Variants in TTC28 observed in about 807,000 individuals in gnomAD.
TTC28 encodes the protein tetratricopeptide repeat domain 28.
Under a neutral mutation model 198.0 loss-of-function variants are expected in TTC28, and 61 were observed. The observed-to-expected ratio is 0.31, with a 90% confidence interval of 0.25 to 0.38. The LOEUF is 0.38. Ranked by LOEUF, TTC28 falls within the 10% of genes least tolerant of loss-of-function variation. The probability of loss-of-function intolerance (pLI) is 1.00; values close to 1 mark genes in which losing one functional copy is unlikely to be tolerated. For missense variants in TTC28, 2,678 were observed against 3,164.0 expected (o/e 0.85, Z 3.69); for synonymous variants, 1,171 against 1,297.8 (o/e 0.90, Z 2.10).
intron 2 of TTC28, among the ~76,000 whole-genome samples, chr22:28,313,449 T>C (rs1429303376): frequency 2.0e-5 from 3 of 152,162 alleles, no homozygotes; most frequent in East Asian, 1.9e-4. Flanking sequence ...TGAACATCGA[T>C]GCGAAAATCC....
chr22:28,480,043 G>A (rs2048222671), intron 2 of TTC28, among the ~76,000 whole-genome samples: 1 of 152,178 alleles, frequency 6.6e-6, no homozygotes, highest in African/African-American at 2.4e-5. Flanking sequence ...CAAGCAGCAA[G>A]CTCCTATCAC....
intron 12 of TTC28, among the ~76,000 whole-genome samples, chr22:28,039,243 C>T (rs553135446): frequency 1.3e-5 from 2 of 152,152 alleles, no homozygotes; most frequent in East Asian, 3.8e-4. Context: ...CGGCACTACT[C>T]ACAATAGCAA....
At chr22:28,216,355 G>C (rs1247004644) in intron 5 of TTC28, among the ~76,000 whole-genome samples, 1 of 152,166 alleles carries the variant, frequency 6.6e-6, no homozygotes, top group Non-Finnish European at 1.5e-5. Context: ...AGTAAGAAAA[G>C]CCTTCAAAGA....
In TTC28 at chr22:28,107,801, G is replaced by C; in HGVS notation, c.2044C>G (p.Leu682Val). The C allele has an allele frequency of 6.4e-7, 1 of 1,551,996 alleles. No homozygotes were observed. The highest frequency in any genetic ancestry group is 8.7e-7 in the Non-Finnish European group (1 of 1,147,070). The stretch of plus-strand genomic sequence containing the variant: ...AAATTCAGCAGAGCCTTGAATGCTA[G>C]GCCCAAGTTGCAGTAGGCTTTTGCT... ...SQAKAYCNLG[L>V]AFKALLNFSK... is the part of the protein sequence containing the mutation. Residue 682 changes from leucine to valine, a missense_variant, in exon 7 of 23, where the codon CTA becomes GTA. Physicochemically the swap from Leu to Val is conservative, Grantham distance 32 (BLOSUM62 1). Around this residue, in one of 8 missense-constraint regions of TTC28, gnomAD observed 775 missense variants for 845.9 expected, o/e 0.92. Transcript: ENST00000397906.
chr22:28,257,985 G>A (rs182906520), intron 5 of TTC28, among the ~76,000 whole-genome samples: 12 of 151,664 alleles, frequency 7.9e-5, no homozygotes, highest in African/African-American at 2.9e-4. Flanking sequence ...TGGAGTAAAA[G>A]GCCCTCAAAA....
intron 2 of TTC28, among the ~76,000 whole-genome samples, chr22:28,586,691 T>C (rs1015360512): frequency 6.6e-6 from 1 of 152,190 alleles, no homozygotes; most frequent in African/African-American, 2.4e-5. Flanking sequence ...ACCTCATACC[T>C]GAAAAATTAT....
intron 13 of TTC28, among the ~76,000 whole-genome samples, chr22:28,017,653 G>T (rs1249928654): frequency 6.6e-6 from 1 of 152,218 alleles, no homozygotes; most frequent in Non-Finnish European, 1.5e-5. Context: ...GGCCAGATGG[G>T]CCTGGGCACT....
intron 12 of TTC28, among the ~76,000 whole-genome samples, chr22:28,066,974 C>T (rs1252384967): frequency 6.6e-6 from 1 of 152,164 alleles, no homozygotes; most frequent in Non-Finnish European, 1.5e-5. Context: ...TCAAGCAGCC[C>T]TTTCTCCAGG....
intron 12 of TTC28, among the ~76,000 whole-genome samples, chr22:28,037,181 T>G (rs1187039840): frequency 6.6e-6 from 1 of 152,122 alleles, no homozygotes; most frequent in Non-Finnish European, 1.5e-5. Context: ...GCCAGCATCA[T>G]CCTGATACCA....
chr22:28,526,314 T>C (rs1434319084), intron 2 of TTC28, among the ~76,000 whole-genome samples: 1 of 152,218 alleles, frequency 6.6e-6, no homozygotes, highest in Non-Finnish European at 1.5e-5. Context: ...TAAATTTTTT[T>C]CGATAATAAA....
chr22:28,477,157 A>T (rs1357251927), intron 2 of TTC28, among the ~76,000 whole-genome samples: 1 of 152,246 alleles, frequency 6.6e-6, no homozygotes, highest in Non-Finnish European at 1.5e-5. Flanking sequence ...GCACTTTATA[A>T]GGTGATGAAA....
At chr22:28,347,490 C>T (rs193290913) in intron 2 of TTC28, among the ~76,000 whole-genome samples, 103 of 152,138 alleles carry the variant, frequency 6.8e-4, no homozygotes, top group African/African-American at 2.3e-3. Flanking sequence ...GATATATAAG[C>T]GCATAAAGTA....
At chr22:28,266,905 G>A (rs1271321885) in intron 5 of TTC28, among the ~76,000 whole-genome samples, 1 of 152,134 alleles carries the variant, frequency 6.6e-6, no homozygotes, top group Admixed American at 6.5e-5. Context: ...GACTTCACCA[G>A]AATGACTACA....
chr22:28,024,407 G>A (rs1938738450), intron 13 of TTC28, among the ~76,000 whole-genome samples: 1 of 152,192 alleles, frequency 6.6e-6, no homozygotes, highest in South Asian at 2.1e-4. Context: ...TAGGACAGAG[G>A]GTGGGGGGAA....
chr22:28,575,355 G>A (rs116400426), intron 2 of TTC28, among the ~76,000 whole-genome samples: 2,422 of 152,146 alleles, frequency 0.016, 85 homozygotes, highest in African/African-American at 0.056. Context: ...TTGTTTCTAC[G>A]CTCCCTATTC....
chr22:28,053,129 C>T (rs151097301), intron 12 of TTC28, among the ~76,000 whole-genome samples: 16 of 152,214 alleles, frequency 1.1e-4, no homozygotes, highest in East Asian at 3.8e-4. Flanking sequence ...GCACGTTGGC[C>T]GTAAAGAAAT....
At chr22:28,663,574 T>C (rs1189108741) in intron 1 of TTC28, among the ~76,000 whole-genome samples, 1 of 122,342 alleles carries the variant, frequency 8.2e-6, no homozygotes, top group Non-Finnish European at 1.7e-5. Flanking sequence ...CACCCGAATA[T>C]TGCGCTTTTC....
intron 5 of TTC28, among the ~76,000 whole-genome samples, chr22:28,168,984 C>A (rs558103129): frequency 1.5e-4 from 23 of 152,216 alleles, no homozygotes; most frequent in Non-Finnish European, 2.5e-4. Flanking sequence ...AAGAAAAAAA[C>A]AAACAATCCC....
intron 12 of TTC28, among the ~76,000 whole-genome samples, chr22:28,042,010 C>T (rs1939657766): frequency 6.6e-6 from 1 of 152,216 alleles, no homozygotes; most frequent in African/African-American, 2.4e-5. Context: ...TAGAAAAATG[C>T]AAATCAAAAC....
Sources: gnomAD v4.1 joint callset for allele counts (sites outside exome capture counted in the v4.1 genomes callset) on GRCh38, gnomAD v4.1.1 for gene constraint, gnomAD v4.1.1 regional missense constraint, MANE v1.5 for transcripts, NCBI Gene and HGNC (gene_info 2026-07-23, HGNC 2026-07-21) for gene names.